The following SPP2 variants were observed in gnomAD, a reference collection of about 807,000 sequenced individuals.
The protein encoded by SPP2 is secreted phosphoprotein 2.
A neutral mutation model predicts 28.8 loss-of-function variants in SPP2; 34 were observed. The ratio of observed to expected loss-of-function variants is 1.18; its 90% CI spans 0.90 to 1.57. The LOEUF is 1.57. Ranked by LOEUF, SPP2 falls within the 40% of genes most tolerant of loss-of-function variation. The pLI is 0.00. For synonymous variants in SPP2, 96 were observed against 89.4 expected (o/e 1.07, Z -0.42); for missense variants, 269 against 263.9 (o/e 1.02, Z -0.13).
intron 2 of SPP2, chr2:234,056,304 A>G (rs1693606689): frequency 6.6e-6 from 1 of 152,230 alleles, no homozygotes; most frequent in Non-Finnish European, 1.5e-5. Flanking sequence ...TGAAGCCAAA[A>G]GACACATGAA....
intron 7 of SPP2, among the ~76,000 whole-genome samples, chr2:234,075,645 T>G (rs1690881161): frequency 6.6e-6 from 1 of 152,264 alleles, no homozygotes; most frequent in African/African-American, 2.4e-5. Context: ...GCCTCAGCTC[T>G]CCTTCTGCTC....
At chr2:234,053,927 G>A (rs1416031003) in intron 2 of SPP2, among the ~76,000 whole-genome samples, 1 of 152,086 alleles carries the variant, frequency 6.6e-6, no homozygotes, top group East Asian at 1.9e-4. Flanking sequence ...AGATGGGGAG[G>A]GAGGGGAAGG....
chr2:234,069,893 C>T, intron 6 of SPP2, 35 bp from the exon 7 acceptor site: 1 of 1,516,384 alleles, frequency 6.6e-7, no homozygotes, highest in Non-Finnish European at 9.2e-7. Context: ...CTTGATGTGA[C>T]TGACAGAGCC....
chr2:234,066,719 T>G (rs1574832803), intron 5 of SPP2, 132 bp downstream of exon 5: 1 of 710,274 alleles, frequency 1.4e-6, no homozygotes, highest in Admixed American at 2.8e-5. Flanking sequence ...CATAGAAAAT[T>G]AACATTTTGT....
chr2:234,075,364 C>T (rs1317024810), intron 7 of SPP2, among the ~76,000 whole-genome samples: 1 of 152,088 alleles, frequency 6.6e-6, no homozygotes, highest in African/African-American at 2.4e-5. Context: ...TTAAAAACAC[C>T]ATCTGCATTA....
At position 234,051,058 on chromosome 2, in the gene SPP2, C is replaced by A; in HGVS notation, c.173C>A (p.Pro58Gln). Reference protein sequence around the residue: ...VVKVNSQSLSPYLFRAFRSSL... With the variant: ...VVKVNSQSLSQYLFRAFRSSL... ...AAAGTGAATTCCCAGTCACTGAGTC[C>A]GTATCTGTTTCGGGCATTCAGAAGC... The change falls in exon 2 of 8, where the codon CCG (proline) becomes CAG (glutamine). Residue 58 changes from proline to glutamine, a missense_variant. Transcript: ENST00000168148. The A allele has an allele frequency of 6.2e-7, 1 of 1,613,882 alleles. No homozygotes were observed. The highest frequency in any genetic ancestry group is 8.5e-7 in the Non-Finnish European group (1 of 1,179,900).
chr2:234,058,711 A>C, intron 2 of SPP2, 125 bp from the exon 3 acceptor site: 1 of 1,137,318 alleles, frequency 8.8e-7, no homozygotes, highest in Non-Finnish European at 1.2e-6. Flanking sequence ...GATTGCTAAG[A>C]TAATTTATTG....
intron 5 of SPP2, 134 bp from the exon 6 acceptor site, chr2:234,067,090 C>T (rs192062738): frequency 2.9e-4 from 249 of 853,636 alleles, no homozygotes; most frequent in Non-Finnish European, 3.5e-4. Flanking sequence ...TTAGTGCTGA[C>T]GGCAATAAAA....
chr2:234,053,743 C>G (rs921985653), intron 2 of SPP2, among the ~76,000 whole-genome samples: 2 of 152,134 alleles, frequency 1.3e-5, no homozygotes, highest in South Asian at 4.2e-4. Context: ...TTTTCTTGCT[C>G]CAACCTTGAC....
At chr2:234,076,444 C>T (rs1690898096) in intron 7 of SPP2, among the ~76,000 whole-genome samples, 1 of 152,182 alleles carries the variant, frequency 6.6e-6, no homozygotes, top group Admixed American at 6.5e-5. Flanking sequence ...TCAAGCTGTA[C>T]TCTAACTACT....
chr2:234,061,615 A>G lies in SPP2; in HGVS notation c.444+1136A>G, dbSNP rs560074232. On this transcript the variant is annotated intron_variant, in intron 4 of 7. Transcript: ENST00000168148. ...AATATTATAAAATTTCTACTTCAAG[A>G]ATTACACATAAAAGTTAATTTTCCC... 1.6e-3 allele frequency among the ~76,000 whole-genome samples: 237 copies of G among 152,342 alleles called. 1 individual carries two copies. Among genetic ancestry groups the G allele is most frequent in the African/African-American group, 5.5e-3 (229 of 41,572 alleles).
rs556349779 is a variant in SPP2, at chr2:234,054,856, T to C, written c.210+3761T>C. ...GGGCAGGGAGGATGCGGGGAGCAGA[T>C]AGATTTGAGGTACATTTGGAGGCAA... On this transcript the variant is annotated intron_variant, in intron 2 of 7. Coordinates refer to ENST00000168148, the MANE Select transcript of SPP2 (RefSeq NM_006944.3). Among the ~76,000 whole-genome samples, 7 of 152,308 alleles carry C rather than the reference T, an allele frequency of 4.6e-5. No individual in the cohort carries two copies. In the East Asian group the frequency reaches 1.4e-3, roughly 29 times the overall value.
intron 2 of SPP2, among the ~76,000 whole-genome samples, chr2:234,054,479 G>A (rs1360481271): frequency 6.6e-6 from 1 of 152,300 alleles, no homozygotes; most frequent in South Asian, 2.1e-4. Flanking sequence ...GAATTCAGGA[G>A]GCTGAGATCT....
At chr2:234,074,603 G>A (rs1035374020) in intron 7 of SPP2, among the ~76,000 whole-genome samples, 6 of 152,164 alleles carry the variant, frequency 3.9e-5, no homozygotes, top group Non-Finnish European at 7.4e-5. Flanking sequence ...ATTAATTGCT[G>A]CACCAAGTAG....
chr2:234,074,024 C>A (rs750842508), intron 7 of SPP2, among the ~76,000 whole-genome samples: 12 of 152,270 alleles, frequency 7.9e-5, no homozygotes, highest in Non-Finnish European at 1.6e-4. Flanking sequence ...AACCTTGGAA[C>A]AATCAAATGA....
chr2:234,069,558 C>T (rs1693892495), intron 6 of SPP2, among the ~76,000 whole-genome samples: 1 of 152,158 alleles, frequency 6.6e-6, no homozygotes, highest in East Asian at 1.9e-4. Context: ...TTGGAGACTG[C>T]TTTGAACATG....
At chr2:234,062,936 C>G (rs1445625366) in intron 4 of SPP2, among the ~76,000 whole-genome samples, 1 of 152,126 alleles carries the variant, frequency 6.6e-6, no homozygotes, top group Non-Finnish European at 1.5e-5. Context: ...TTGTAAAAAA[C>G]TAGATCTTAA....
At chr2:234,075,490 C>T (rs1338468739) in intron 7 of SPP2, among the ~76,000 whole-genome samples, 2 of 152,172 alleles carry the variant, frequency 1.3e-5, no homozygotes, top group Admixed American at 6.5e-5. Context: ...ACCTCACGGC[C>T]GCGTTGGATG....
rs772763704 is a variant in SPP2 at position 234,067,237 on chromosome 2, C to T, written c.513C>T (p.Asp171=). Residue 171 remains aspartate (D), a synonymous_variant, in exon 6 of 8, where the codon GAC becomes GAT. Coordinates refer to ENST00000168148, the MANE Select transcript of SPP2 (RefSeq NM_006944.3). The stretch of plus-strand genomic sequence containing the variant: ...ACTGTGTTACAGGTCTCATTTCAGA[C>T]GAGTCCATAAGTGAACAATTTTATG... ...RNNYLFGLIS[D]ESISEQFYDR... is the part of the protein sequence containing the mutation. 1.5e-5 allele frequency: 24 copies of T among 1,613,602 alleles called. 1 individual carries two copies. Among genetic ancestry groups the T allele is most frequent in the Admixed American group, 1.0e-4 (6 of 59,982 alleles).
Sources: allele counts gnomAD v4.1 joint callset (sites outside exome capture counted in the v4.1 genomes callset), GRCh38; gene constraint gnomAD v4.1.1; transcripts MANE v1.5; gene names NCBI Gene and HGNC (gene_info 2026-07-23, HGNC 2026-07-21).